NEK11: variants seen among roughly 807,000 people sequenced by gnomAD.
NEK11 encodes the protein NIMA related kinase 11, also known as serine/threonine-protein kinase Nek11.
Under a neutral mutation model 80.7 loss-of-function variants are expected in NEK11, and 72 were observed. The ratio of observed to expected loss-of-function variants is 0.89; its 90% CI spans 0.74 to 1.08. The LOEUF is 1.08. Ranked by LOEUF, NEK11 falls within the 50% of genes least tolerant of loss-of-function variation. The pLI is 0.00. For synonymous variants in NEK11, 251 were observed against 260.7 expected, an observed-to-expected ratio of 0.96 and a Z score of 0.36; for missense variants, 764 against 763.6, an observed-to-expected ratio of 1.00 and a Z score of -0.01.
intron 5 of NEK11, among the ~76,000 whole-genome samples, chr3:131,131,497 G>T (rs2084468789): frequency 6.6e-6 from 1 of 152,132 alleles, no homozygotes; most frequent in Non-Finnish European, 1.5e-5. Flanking sequence ...TATCAAATTT[G>T]TGGTTATAGA....
intron 7 of NEK11, among the ~76,000 whole-genome samples, chr3:131,142,973 G>A (rs538362122): frequency 7.9e-5 from 12 of 152,164 alleles, no homozygotes; most frequent in Middle Eastern, 6.8e-3. Flanking sequence ...ATAATTTTAT[G>A]GGTCGTATTC....
chr3:131,179,396 C>T (rs1046347031), intron 14 of NEK11, among the ~76,000 whole-genome samples: 2 of 152,146 alleles, frequency 1.3e-5, no homozygotes, highest in Non-Finnish European at 2.9e-5. Flanking sequence ...AGAGCTTTAT[C>T]TGAAAAATAT....
At chr3:131,086,311 C>T (rs1012879250) in intron 4 of NEK11, among the ~76,000 whole-genome samples, 3 of 152,060 alleles carry the variant, frequency 2.0e-5, no homozygotes, top group Admixed American at 6.5e-5. Flanking sequence ...TTGCCTGTGG[C>T]GATTCTTACT....
At position 131,333,126 on chromosome 3, in the gene NEK11, G is replaced by T. The variant is rs368713065; in HGVS notation, c.1719-16431G>T. Among the ~76,000 whole-genome samples, 30 of 152,250 alleles carry T rather than the reference G, an allele frequency of 2.0e-4. No individual in the cohort carries two copies. In the East Asian group the frequency reaches 5.6e-3, roughly 28 times the overall value. On this transcript the variant is annotated intron_variant, in intron 17 of 17. Transcript: ENST00000383366. ...CAGGAAATACAGAGAACACCACAAA[G>T]ATACTCCTCAAGAAGAGCAACTCCA...
rs567524691 is a variant in NEK11 at position 131,142,192 on chromosome 3, C to A, written c.647+8236C>A. Among the ~76,000 whole-genome samples the A allele has an allele frequency of 7.9e-5, 12 of 152,326 alleles. 1 individual carries two copies. The East Asian group carries it at 2.1e-3, about 27-fold the overall frequency. On this transcript the variant is annotated intron_variant, in intron 7 of 17. Coordinates refer to ENST00000383366, the MANE Select transcript of NEK11 (RefSeq NM_024800.5). Reference sequence around the variant, plus strand: ...CCTCCACTCAGTTAGTTGTGACACACTTCATATCCACCCATATTCCACTGG... The same window carrying A: ...CCTCCACTCAGTTAGTTGTGACACAATTCATATCCACCCATATTCCACTGG...
chr3:131,109,702 T>C lies in NEK11; in HGVS notation c.337-101T>C, dbSNP rs146949368. 1.6e-5 allele frequency: 20 copies of C among 1,212,760 alleles called. No homozygotes were observed. In the African/African-American group the frequency reaches 2.8e-4, roughly 17 times the overall value. The allele number at this position is 1,212,760 out of a possible 1,614,324, so 75.1% of individuals were successfully genotyped here. A position where few individuals can be genotyped will look rare whatever the true frequency, so the allele number is the denominator to read the frequency against. ...GTCAGTGATAATTACAGAATGGCAC[T>C]TTCTTATAAACAGTGACTGCTATGT... On this transcript the variant is annotated intron_variant, in intron 4 of 17. Coordinates refer to ENST00000383366, the MANE Select transcript of NEK11 (RefSeq NM_024800.5).
At chr3:131,243,362 A>C (rs1290059929) in intron 15 of NEK11, 74 bp from the exon 16 acceptor site, 3 of 1,393,008 alleles carry the variant, frequency 2.2e-6, no homozygotes, top group African/African-American at 1.4e-5. Context: ...AAATGTAGTA[A>C]GAACATTTTT....
intron 11 of NEK11, among the ~76,000 whole-genome samples, chr3:131,165,009 C>T (rs2092066321): frequency 6.6e-6 from 1 of 152,168 alleles, no homozygotes; most frequent in African/African-American, 2.4e-5. Context: ...GCAATGACTC[C>T]CAGATATTTC....
chr3:131,063,615 G>A (rs548013829), intron 3 of NEK11, among the ~76,000 whole-genome samples: 32 of 152,220 alleles, frequency 2.1e-4, no homozygotes, highest in African/African-American at 7.0e-4. Context: ...CGATAGATAG[G>A]GTCCAGTTGA....
chr3:131,154,657 G>T (rs2090331242), intron 9 of NEK11, among the ~76,000 whole-genome samples: 1 of 152,084 alleles, frequency 6.6e-6, no homozygotes. Context: ...CTTAGATTTT[G>T]TGCCTGAGGT....
chr3:131,344,434 C>T (rs564049832), intron 17 of NEK11, among the ~76,000 whole-genome samples: 1 of 152,296 alleles, frequency 6.6e-6, no homozygotes, highest in East Asian at 1.9e-4. Flanking sequence ...CTAAACTTTT[C>T]CTCATCTTCC....
chr3:131,130,552 G>A (rs148707821), intron 5 of NEK11, among the ~76,000 whole-genome samples: 11 of 152,146 alleles, frequency 7.2e-5, no homozygotes, highest in Non-Finnish European at 1.3e-4. Flanking sequence ...TCATTGTAAA[G>A]TGTGATGTTA....
intron 17 of NEK11, among the ~76,000 whole-genome samples, chr3:131,278,808 C>G (rs2096347472): frequency 1.3e-5 from 2 of 152,144 alleles, no homozygotes; most frequent in Admixed American, 6.5e-5. Context: ...AGTAAGACCA[C>G]TGGTGTCCTG....
chr3:131,228,718 G>T lies in NEK11; in HGVS notation c.1560+30G>T, dbSNP rs762850525. 6 of 1,601,594 alleles carry T rather than the reference G, an allele frequency of 3.7e-6. No individual in the cohort carries two copies. In the East Asian group the frequency reaches 1.3e-4, roughly 36 times the overall value. On this transcript the variant is annotated intron_variant, in intron 15 of 17. Transcript: ENST00000383366. ...GTAATGCTCCCTGTCGGAAGCCATG[G>T]AACTGTTCAAGGTACTGATTGGACT...
intron 7 of NEK11, among the ~76,000 whole-genome samples, chr3:131,136,066 A>T (rs2085505838): frequency 6.6e-6 from 1 of 152,080 alleles, no homozygotes; most frequent in African/African-American, 2.4e-5. Flanking sequence ...CAAGAAAAAA[A>T]AAACAGCCAA....
intron 17 of NEK11, among the ~76,000 whole-genome samples, chr3:131,307,757 T>C (rs1177849663): frequency 6.6e-6 from 1 of 152,242 alleles, no homozygotes; most frequent in Non-Finnish European, 1.5e-5. Flanking sequence ...TGATGTTTTA[T>C]ATAGAGCATA....
Position 131,029,638 on chromosome 3 carries a change from G to T in NEK11, c.-71G>T. Reference sequence around the variant, plus strand: ...GAACTGACCAACACTGGATGAATTTGACCATTTCTTAGGAGACTGGAATGT... The same window carrying T: ...GAACTGACCAACACTGGATGAATTTTACCATTTCTTAGGAGACTGGAATGT... On this transcript the variant is annotated 5_prime_UTR_variant, in exon 3 of 18. Transcript: ENST00000383366. The T allele has an allele frequency of 6.9e-7, 1 of 1,443,002 alleles. No homozygotes were observed. The highest frequency in any genetic ancestry group is 1.2e-5 in the South Asian group (1 of 80,164). 89.4% of individuals were successfully genotyped at this position (1,443,002 alleles called of 1,614,324 possible). A position where few individuals can be genotyped will look rare whatever the true frequency, so the allele number is the denominator to read the frequency against.
At chr3:131,260,848 G>A (rs1468085253) in intron 16 of NEK11, among the ~76,000 whole-genome samples, 1 of 152,140 alleles carries the variant, frequency 6.6e-6, no homozygotes. Flanking sequence ...CATTCTAAAT[G>A]TACAGTGCAC....
At chr3:131,054,966 C>T (rs531703586) in intron 3 of NEK11, among the ~76,000 whole-genome samples, 101 of 152,072 alleles carry the variant, frequency 6.6e-4, no homozygotes, top group African/African-American at 8.7e-4. Flanking sequence ...GATCCAAGGG[C>T]GAGCTTGCTT....
Sources: gnomAD v4.1 joint callset for allele counts (sites outside exome capture counted in the v4.1 genomes callset) on GRCh38, gnomAD v4.1.1 for gene constraint, MANE v1.5 for transcripts, NCBI Gene and HGNC (gene_info 2026-07-23, HGNC 2026-07-21) for gene names.